Variants in RYR2 observed in about 807,000 individuals in gnomAD.
The protein encoded by RYR2 is cardiac muscle ryanodine receptor-calcium release channel.
A neutral mutation model predicts 601.1 loss-of-function variants in RYR2; 227 were observed. That is an observed-to-expected ratio of 0.38 (90% CI 0.34 to 0.42). The LOEUF is 0.42. Among genes scored for constraint, RYR2 ranks in the 10% least tolerant of loss-of-function variants. The pLI, the probability that RYR2 is intolerant of heterozygous loss-of-function variation, is 1.00. For synonymous variants in RYR2, 2,223 were observed against 2,175.1 expected (o/e 1.02, Z -0.61); for missense variants, 4,646 against 6,156.5 (o/e 0.75, Z 8.21).
intron 1 of RYR2, among the ~76,000 whole-genome samples, chr1:237,260,312 C>A (rs1298113356): frequency 1.3e-5 from 2 of 152,088 alleles, no homozygotes; most frequent in African/African-American, 4.8e-5. Context: ...TGGTTCTGAC[C>A]CATAGGATGT....
intron 29 of RYR2, among the ~76,000 whole-genome samples, chr1:237,577,038 G>A (rs1239083395): frequency 6.6e-6 from 1 of 152,120 alleles, no homozygotes; most frequent in Non-Finnish European, 1.5e-5. Context: ...CTCCACTTTG[G>A]AAAACTGTGT....
At position 237,187,058 on chromosome 1, in the gene RYR2, A is replaced by G. The variant is rs558927958; in HGVS notation, c.49-83439A>G. 4.7e-4 allele frequency among the ~76,000 whole-genome samples: 71 copies of G among 152,308 alleles called. 1 individual carries two copies. The highest frequency in any genetic ancestry group is 1.6e-3 in the African/African-American group (66 of 41,564). ...TTTTTGCGAACTCTGAAAGTCAAAG[A>G]TAGAGGTGGCTGTGTTGAGTTTAGA... On this transcript the variant is annotated intron_variant, in intron 1 of 104. Transcript: ENST00000366574.
In RYR2 at chr1:237,773,533, A is replaced by G; in HGVS notation, c.11660A>G (p.Asp3887Gly). The G allele has an allele frequency of 6.3e-7, 1 of 1,586,438 alleles. No homozygotes were observed. The highest frequency in any genetic ancestry group is 8.7e-7 in the Non-Finnish European group (1 of 1,155,588). The change falls in exon 87 of 105, where the codon GAC becomes GGC. Residue 3887 changes from aspartate (D) to glycine (G), a missense_variant. Transcript: ENST00000366574. ...TCTATTTCCCAGGAATCAATTAGTG[A>G]CTTTTATTGGTATTACTCTGGGAAA... ...YLLRVQESIS[D>G]FYWYYSGKDV... is the part of the protein sequence containing the mutation.
At chr1:237,646,839 CG>C (rs1682213146) in intron 48 of RYR2, among the ~76,000 whole-genome samples, 1 of 152,146 alleles carries the variant, frequency 6.6e-6, no homozygotes, top group African/African-American at 2.4e-5. Context: ...GCAGGCACTG[CG>C]GGGTGACACT....
intron 1 of RYR2, among the ~76,000 whole-genome samples, chr1:237,147,927 G>C (rs1674197418): frequency 6.6e-6 from 1 of 152,240 alleles, no homozygotes; most frequent in Non-Finnish European, 1.5e-5. Context: ...ACCTCCACTA[G>C]TTACCTTGAT....
chr1:237,118,741 C>G (rs138690120), intron 1 of RYR2, among the ~76,000 whole-genome samples: 157 of 152,120 alleles, frequency 1.0e-3, no homozygotes, highest in African/African-American at 3.6e-3. Context: ...GTAGCTGGGA[C>G]TACAGGCATG....
intron 17 of RYR2, among the ~76,000 whole-genome samples, chr1:237,488,518 AT>A (rs1264308715): frequency 6.6e-6 from 1 of 152,068 alleles, no homozygotes; most frequent in Non-Finnish European, 1.5e-5. Flanking sequence ...TCCTAATACC[AT>A]TGTCAGGCCT....
chr1:237,474,244 G>GTCT lies in RYR2; in HGVS notation c.1708+5057_1708+5058insTCT, dbSNP rs1558880237. On this transcript the variant is annotated intron_variant, in intron 17 of 104. Transcript: ENST00000366574. Reference sequence around the variant, plus strand: ...GTAGATCTATACATATATATGTATAGATATATACATATGTATAGATACCTA... The same window carrying GTCT: ...GTAGATCTATACATATATATGTATAGTCTATATATACATATGTATAGATACCTA... Among the ~76,000 whole-genome samples, 3 of 122,678 alleles carry GTCT rather than the reference G, an allele frequency of 2.4e-5. No individual in the cohort carries two copies. In the East Asian group the frequency reaches 8.0e-4, roughly 33 times the overall value. The allele number at this position is 122,678 out of a possible 152,430, so 80.5% of individuals were successfully genotyped here. A position where few individuals can be genotyped will look rare whatever the true frequency, so the allele number is the denominator to read the frequency against.
At chr1:237,573,245 C>G (rs925281817) in intron 29 of RYR2, among the ~76,000 whole-genome samples, 7 of 151,588 alleles carry the variant, frequency 4.6e-5, no homozygotes, top group African/African-American at 1.7e-4. Flanking sequence ...CACACACACA[C>G]ACACACACAC....
At chr1:237,322,063 T>A (rs1160375622) in intron 2 of RYR2, among the ~76,000 whole-genome samples, 1 of 152,224 alleles carries the variant, frequency 6.6e-6, no homozygotes, top group East Asian at 1.9e-4. Context: ...GTTTCAATGT[T>A]ACTGAGTTGA....
chr1:237,640,753 C>G (rs1372773761), intron 46 of RYR2, 144 bp from the exon 47 acceptor site: 13 of 614,406 alleles, frequency 2.1e-5, no homozygotes, highest in Admixed American at 5.2e-5. Context: ...TTAAAAACGT[C>G]AAGCTCTACA....
At chr1:237,063,996 T>G (rs1322358096) in intron 1 of RYR2, among the ~76,000 whole-genome samples, 1 of 152,196 alleles carries the variant, frequency 6.6e-6, no homozygotes, top group African/African-American at 2.4e-5. Flanking sequence ...TGCTTGAGGT[T>G]TGTGGAGTAT....
rs577775436 is a variant in RYR2, at chr1:237,178,819, G to A, written c.49-91678G>A. The stretch of plus-strand genomic sequence containing the variant: ...GACCCTGTTTCAAAAAAAGAATAAA[G>A]TGTCAAAGTTTTGCTTTCAACCTTT... On this transcript the variant is annotated intron_variant, in intron 1 of 104. Coordinates refer to ENST00000366574, the MANE Select transcript of RYR2 (RefSeq NM_001035.3). Among the ~76,000 whole-genome samples, 57 of 152,016 alleles carry A rather than the reference G, an allele frequency of 3.7e-4. No individual in the cohort carries two copies. The South Asian group carries it at 0.011, about 29-fold the overall frequency.
chr1:237,776,285 TG>T (rs1394600155), intron 87 of RYR2, among the ~76,000 whole-genome samples: 3 of 152,120 alleles, frequency 2.0e-5, no homozygotes, highest in Admixed American at 2.0e-4. Context: ...TAACCAGGGA[TG>T]AAGGAAACTA....
At chr1:237,529,454 A>G (rs1667901521) in intron 24 of RYR2, among the ~76,000 whole-genome samples, 1 of 152,194 alleles carries the variant, frequency 6.6e-6, no homozygotes, top group Non-Finnish European at 1.5e-5. Context: ...GCTTATACAT[A>G]TAGATACTTG....
chr1:237,515,715 T>G (rs889863903), intron 24 of RYR2, among the ~76,000 whole-genome samples: 5 of 674 alleles, frequency 7.4e-3, no homozygotes, highest in Non-Finnish European at 0.012. Flanking sequence ...CTTCTCCTTC[T>G]TCTCTTCCTC....
intron 80 of RYR2, among the ~76,000 whole-genome samples, chr1:237,750,849 A>C (rs1174254336): frequency 6.6e-6 from 1 of 152,218 alleles, no homozygotes; most frequent in Non-Finnish European, 1.5e-5. Context: ...CCACCTTTCC[A>C]GATGGTCTCC....
chr1:237,342,997 C>T (rs1335333042), intron 3 of RYR2, among the ~76,000 whole-genome samples: 1 of 152,002 alleles, frequency 6.6e-6, no homozygotes, highest in Admixed American at 6.6e-5. Flanking sequence ...TCACTTGAGC[C>T]CAGGAGTTTG....
chr1:237,613,811 A>C (rs1573120347), intron 36 of RYR2, among the ~76,000 whole-genome samples: 1 of 152,210 alleles, frequency 6.6e-6, no homozygotes. Context: ...TTTCAGATTC[A>C]GGATGCTCAA....
Sources: allele counts gnomAD v4.1 joint callset (sites outside exome capture counted in the v4.1 genomes callset), GRCh38; gene constraint gnomAD v4.1.1; transcripts MANE v1.5; gene names NCBI Gene and HGNC (gene_info 2026-07-23, HGNC 2026-07-21).